The following EPHB1 variants were observed in gnomAD, a reference collection of about 807,000 sequenced individuals.
The protein encoded by EPHB1 is EPH receptor B1.
Under a neutral mutation model 94.4 loss-of-function variants are expected in EPHB1, and 30 were observed. The ratio of observed to expected loss-of-function variants is 0.32; its 90% CI spans 0.24 to 0.43. EPHB1 has a LOEUF of 0.43. Among genes scored for constraint, EPHB1 ranks in the 20% least tolerant of loss-of-function variants. The pLI is 1.00. For missense variants in EPHB1, 1,055 were observed against 1,308.3 expected (o/e 0.81, Z 2.99); for synonymous variants, 522 against 489.1 (o/e 1.07, Z -0.89).
intron 3 of EPHB1, among the ~76,000 whole-genome samples, chr3:135,072,243 G>A (rs1024418286): frequency 6.6e-6 from 1 of 152,106 alleles, no homozygotes; most frequent in African/African-American, 2.4e-5. Context: ...TTAGCTGAGT[G>A]TGGTGGCGTG....
chr3:135,244,331 C>A lies in EPHB1; in HGVS notation c.2496+3034C>A, dbSNP rs1300788272. On this transcript the variant is annotated intron_variant, in intron 13 of 15. Coordinates refer to ENST00000398015, the MANE Select transcript of EPHB1 (RefSeq NM_004441.5). ...ACTTTCAAAATGAGACAGCAGAGAGCTCTGGGTAACAGTTGCCTAGACTGG... is the reference window on the plus strand; with the variant it reads ...ACTTTCAAAATGAGACAGCAGAGAGATCTGGGTAACAGTTGCCTAGACTGG... 1.2e-4 allele frequency among the ~76,000 whole-genome samples: 19 copies of A among 152,228 alleles called. 1 individual carries two copies. The highest frequency in any genetic ancestry group is 3.3e-4 in the Admixed American group (5 of 15,282).
At chr3:135,223,294 G>T (rs1943315421) in intron 12 of EPHB1, among the ~76,000 whole-genome samples, 1 of 152,136 alleles carries the variant, frequency 6.6e-6, no homozygotes, top group Non-Finnish European at 1.5e-5. Flanking sequence ...TGGGTACTGG[G>T]GAAACCTTGC....
intron 3 of EPHB1, among the ~76,000 whole-genome samples, chr3:135,089,799 C>T (rs916145476): frequency 5.3e-5 from 8 of 152,234 alleles, no homozygotes; most frequent in Non-Finnish European, 4.4e-5. Context: ...GTGCCTGCTG[C>T]TCCTTTGCCC....
chr3:135,124,846 G>A (rs1365410845), intron 4 of EPHB1, among the ~76,000 whole-genome samples: 1 of 151,570 alleles, frequency 6.6e-6, no homozygotes, highest in Non-Finnish European at 1.5e-5. Flanking sequence ...GCCCCAGTGA[G>A]ATATCCTACA....
In EPHB1 at chr3:135,043,297, G is replaced by A. The variant is rs192397007; in HGVS notation, c.806-63151G>A. 1.1e-4 allele frequency among the ~76,000 whole-genome samples: 17 copies of A among 148,016 alleles called. No individual in the cohort carries two copies. The East Asian group carries it at 3.1e-3, about 27-fold the overall frequency. On this transcript the variant is annotated intron_variant, in intron 3 of 15. Coordinates refer to ENST00000398015, the MANE Select transcript of EPHB1 (RefSeq NM_004441.5). ...TAATAGTAATAATAATAATAATAAT[G>A]TGTGATATCTGAGCCCCTAAATACA...
chr3:135,174,164 C>G (rs533923226), intron 9 of EPHB1, among the ~76,000 whole-genome samples: 6 of 152,220 alleles, frequency 3.9e-5, no homozygotes, highest in African/African-American at 1.4e-4. Flanking sequence ...ATGAGCCCCC[C>G]GATGCCCCAC....
At chr3:135,184,886 T>C (rs550893103) in intron 10 of EPHB1, among the ~76,000 whole-genome samples, 1 of 152,304 alleles carries the variant, frequency 6.6e-6, no homozygotes, top group African/African-American at 2.4e-5. Flanking sequence ...CTCCAATGCA[T>C]TGGTTAATTC....
chr3:134,795,733 G>T (rs528839856), intron 1 of EPHB1, 44 bp downstream of exon 1: 2 of 1,594,624 alleles, frequency 1.3e-6, no homozygotes, highest in Admixed American at 1.7e-5. Context: ...GGTGCCGGCC[G>T]CCTTGGGACT....
At chr3:135,036,240 C>T (rs534069926) in intron 3 of EPHB1, among the ~76,000 whole-genome samples, 1 of 152,312 alleles carries the variant, frequency 6.6e-6, no homozygotes, top group South Asian at 2.1e-4. Flanking sequence ...ACTAGAGCCT[C>T]AGGCCCATAT....
chr3:135,007,564 G>A (rs148707103), intron 3 of EPHB1, among the ~76,000 whole-genome samples: 151 of 152,326 alleles, frequency 9.9e-4, no homozygotes, highest in African/African-American at 3.5e-3. Context: ...AGGATAGTGA[G>A]TGGGCCTTTT....
rs188795680 is a variant in EPHB1 at position 134,998,112 on chromosome 3, C to T, written c.805+46060C>T. ...ATGTATCTCTGCTCTGCTCAGGTGGCACGGCAGATCTAAAGCATCTGGTTC... is the reference window on the plus strand; with the variant it reads ...ATGTATCTCTGCTCTGCTCAGGTGGTACGGCAGATCTAAAGCATCTGGTTC... On this transcript the variant is annotated intron_variant, in intron 3 of 15. Transcript: ENST00000398015. Among the ~76,000 whole-genome samples the T allele has an allele frequency of 5.3e-5, 8 of 152,338 alleles. No homozygotes were observed. In the East Asian group the frequency reaches 1.5e-3, roughly 29 times the overall value.
chr3:135,173,307 T>C (rs925847528), intron 9 of EPHB1, among the ~76,000 whole-genome samples: 10 of 152,140 alleles, frequency 6.6e-5, no homozygotes, highest in Non-Finnish European at 1.0e-4. Flanking sequence ...GTGCTGGGAT[T>C]ACAGGCGTGA....
intron 3 of EPHB1, among the ~76,000 whole-genome samples, chr3:135,048,233 T>TTTC (rs1553726192): frequency 6.7e-6 from 1 of 148,766 alleles, no homozygotes; most frequent in African/African-American, 2.5e-5. Flanking sequence ...TCTTTTTTTT[T>TTTC]TTTTCTTTTT....
rs564216819 is a variant in EPHB1, at chr3:134,882,925, C to T, written c.59-42891C>T. 6.6e-5 allele frequency among the ~76,000 whole-genome samples: 10 copies of T among 151,942 alleles called. No homozygotes were observed. The East Asian group carries it at 9.7e-4, about 15-fold the overall frequency. On this transcript the variant is annotated intron_variant, in intron 1 of 15. Transcript: ENST00000398015. ...GCAACCTCTGCCTCTTGAGTTCAAG[C>T]GATTCTCCTGCCTCAGCCTCCCGAA...
chr3:134,863,433 C>T (rs140622143), intron 1 of EPHB1, among the ~76,000 whole-genome samples: 4 of 152,304 alleles, frequency 2.6e-5, no homozygotes, highest in East Asian at 3.9e-4. Flanking sequence ...GAGGCCAAGG[C>T]GGGCAGATGT....
intron 9 of EPHB1, among the ~76,000 whole-genome samples, chr3:135,178,169 T>A (rs1942038008): frequency 6.8e-6 from 1 of 147,544 alleles, no homozygotes; most frequent in African/African-American, 2.5e-5. Context: ...AATAATCCCC[T>A]CAGGCCAGGC....
At chr3:134,924,872 G>A (rs1383308026) in intron 1 of EPHB1, among the ~76,000 whole-genome samples, 1 of 152,190 alleles carries the variant, frequency 6.6e-6, no homozygotes, top group Admixed American at 6.5e-5. Flanking sequence ...TACAGTGACA[G>A]AAAGCAGATG....
At chr3:135,015,248 T>G (rs1033745741) in intron 3 of EPHB1, among the ~76,000 whole-genome samples, 3 of 150,078 alleles carry the variant, frequency 2.0e-5, no homozygotes, top group Non-Finnish European at 3.0e-5. Context: ...AGTGCCTGGT[T>G]TTTTTTTTTT....
rs149795419 is a variant in EPHB1, at chr3:135,097,606, T to A, written c.806-8842T>A. 3.5e-4 allele frequency among the ~76,000 whole-genome samples: 54 copies of A among 152,348 alleles called. No homozygotes were observed. In the East Asian group the frequency reaches 9.6e-3, roughly 27 times the overall value. ...ATTCTAGGCTTGCTACTGCTACTGC[T>A]GTCTGAACAACTTAATAGCACAGTA... On this transcript the variant is annotated intron_variant, in intron 3 of 15. Coordinates refer to ENST00000398015, the MANE Select transcript of EPHB1 (RefSeq NM_004441.5).
Sources: gnomAD v4.1 joint callset for allele counts (sites outside exome capture counted in the v4.1 genomes callset) on GRCh38, gnomAD v4.1.1 for gene constraint, MANE v1.5 for transcripts, NCBI Gene and HGNC (gene_info 2026-07-23, HGNC 2026-07-21) for gene names.